Variants in TNS4 observed in about 807,000 individuals in gnomAD.
TNS4 encodes tensin-4.
TNS4 carries 46 observed loss-of-function variants against 70.4 expected under a neutral mutation model. That is an observed-to-expected ratio of 0.65 (90% confidence interval 0.52 to 0.84). The LOEUF (loss-of-function observed/expected upper bound fraction) is 0.84, where lower values mean the gene tolerates loss of function less well. Ranked by LOEUF, TNS4 falls within the 40% of genes least tolerant of loss-of-function variation. The probability of loss-of-function intolerance (pLI) is 0.00; values close to 1 mark genes in which losing one functional copy is unlikely to be tolerated. For synonymous variants in TNS4, 390 were observed against 366.6 expected (o/e 1.06, Z -0.73); for missense variants, 863 against 907.0 (o/e 0.95, Z 0.62).
chr17:40,499,651 CG>C (rs2036188292), intron 1 of TNS4, among the ~76,000 whole-genome samples: 2 of 152,222 alleles, frequency 1.3e-5, no homozygotes, highest in Admixed American at 1.3e-4. Context: ...CGGGGCATCC[CG>C]GGCACGGGAA....
chr17:40,488,730 T>A lies in TNS4; in HGVS notation c.679A>T (p.Asn227Tyr). 1 of 1,590,584 alleles carries A rather than the reference T, an allele frequency of 6.3e-7. No individual in the cohort carries two copies. The highest frequency in any genetic ancestry group is 8.6e-7 in the Non-Finnish European group (1 of 1,169,202). ...CAAGGGATTGAGATGCTGGGGGAAT[T>A]TGGGGGTCGAGGGGAGAGACCCTCT... ...PSEGLSPRPP[N>Y]SPSISIPCMG... Residue 227 changes from asparagine to tyrosine, a missense_variant, in exon 3 of 13, where the codon AAT (asparagine) becomes TAT (tyrosine). Physicochemically the swap from Asn to Tyr is moderately radical, Grantham distance 143 (BLOSUM62 -2). Coordinates refer to ENST00000254051, the MANE Select transcript of TNS4 (RefSeq NM_032865.6).
chr17:40,480,848 T>A, intron 8 of TNS4, 80 bp from the exon 9 acceptor site: 1 of 1,469,324 alleles, frequency 6.8e-7, no homozygotes, highest in Non-Finnish European at 9.3e-7. Flanking sequence ...ACAGGCCTCA[T>A]GAATCCCTTT....
At chr17:40,488,321 A>G (rs1367809907) in intron 3 of TNS4, among the ~76,000 whole-genome samples, 1 of 152,178 alleles carries the variant, frequency 6.6e-6, no homozygotes, top group Non-Finnish European at 1.5e-5. Context: ...CGGCTCTTTT[A>G]CCAAAAGGTA....
At chr17:40,494,086 C>T (rs1597699806) in intron 2 of TNS4, among the ~76,000 whole-genome samples, 1 of 152,372 alleles carries the variant, frequency 6.6e-6, no homozygotes, top group East Asian at 1.9e-4. Flanking sequence ...CCCAGGAGCC[C>T]AGGAACCCTG....
rs724159929 is a variant in TNS4 at position 40,485,017 on chromosome 17, G to A, written c.1289-10C>T. ...ATGTCCCTGGCGGGACCTGGAGACA[G>A]ACAGAGAAGGGGGACCCTGTAGGCT... On this transcript the variant is annotated splice_polypyrimidine_tract_variant and intron_variant, in intron 4 of 12. Coordinates refer to ENST00000254051, the MANE Select transcript of TNS4 (RefSeq NM_032865.6). 3 of 1,613,636 alleles carry A rather than the reference G, an allele frequency of 1.9e-6. No homozygotes were observed. The highest frequency in any genetic ancestry group is 2.5e-6 in the Non-Finnish European group (3 of 1,179,554).
At chr17:40,498,523 C>T (rs1428462248) in intron 1 of TNS4, among the ~76,000 whole-genome samples, 1 of 152,198 alleles carries the variant, frequency 6.6e-6, no homozygotes, top group African/African-American at 2.4e-5. Context: ...AATCCTCTCA[C>T]AGCTCTAGGA....
chr17:40,480,905 A>G lies in TNS4; in HGVS notation c.1673-137T>C, dbSNP rs1010234147. On this transcript the variant is annotated intron_variant, in intron 8 of 12. Transcript: ENST00000254051. The stretch of plus-strand genomic sequence containing the variant: ...CCATCTCCAGGAAGTGACTCAAACC[A>G]GGTGTGATTACCGTAATTAGGCAAA... The G allele has an allele frequency of 3.4e-5, 34 of 991,646 alleles. No homozygotes were observed. In the Admixed American group the frequency reaches 4.7e-4, roughly 14 times the overall value. 61.4% of individuals were successfully genotyped at this position (991,646 alleles called of 1,614,324 possible). A position where few individuals can be genotyped will look rare whatever the true frequency, so the allele number is the denominator to read the frequency against.
In TNS4 at chr17:40,488,924, T is replaced by C. The variant is rs887457883; in HGVS notation, c.485A>G (p.Asp162Gly). 5 of 1,598,926 alleles carry C rather than the reference T, an allele frequency of 3.1e-6. No homozygotes were observed. The African/African-American group carries it at 5.4e-5, about 17-fold the overall frequency. ...GGGGCTGGAGCAGTGCTGGGGGCCATCGTGGCACCTTGATCTGGCGGAGGT... is the reference window on the plus strand; with the variant it reads ...GGGGCTGGAGCAGTGCTGGGGGCCACCGTGGCACCTTGATCTGGCGGAGGT... ...EVTSARSRCH[D>G]GPQHCSSPSV... Residue 162 changes from aspartate (D) to glycine (G), a missense_variant, in exon 3 of 13, where the codon GAT becomes GGT. By Grantham distance (94) the Asp-to-Gly change is moderately conservative. Coordinates refer to ENST00000254051, the MANE Select transcript of TNS4 (RefSeq NM_032865.6).
chr17:40,477,417 G>A lies in TNS4; in HGVS notation c.*171C>T. ...TGAGGCCCGGGGGGTCTGGATGATG[G>A]TGACTGCTGAAGGCCATAGCAGGTT... is the stretch of plus-strand genomic sequence containing the variant. On this transcript the variant is annotated 3_prime_UTR_variant, in exon 13 of 13. Coordinates refer to ENST00000254051, the MANE Select transcript of TNS4 (RefSeq NM_032865.6). The A allele has an allele frequency of 2.6e-6, 2 of 765,318 alleles. No homozygotes were observed. Among genetic ancestry groups the A allele is most frequent in the Non-Finnish European group, 4.0e-6 (2 of 499,054 alleles). 47.4% of individuals were successfully genotyped at this position (765,318 alleles called of 1,614,324 possible). A position where few individuals can be genotyped will look rare whatever the true frequency, so the allele number is the denominator to read the frequency against.
At chr17:40,480,879 C>T (rs1442085816) in intron 8 of TNS4, 111 bp from the exon 9 acceptor site, 1 of 1,231,366 alleles carries the variant, frequency 8.1e-7, no homozygotes, top group Non-Finnish European at 1.1e-6. Context: ...CACCTCCACC[C>T]CCATCTCCAG....
intron 2 of TNS4, among the ~76,000 whole-genome samples, chr17:40,494,743 A>G (rs2143825630): frequency 6.6e-6 from 1 of 152,174 alleles, no homozygotes; most frequent in South Asian, 2.1e-4. Flanking sequence ...AAAAAAAAAA[A>G]AAAAAAAATT....
Position 40,482,486 on chromosome 17 carries a change from G to C in TNS4, c.1502-70C>G, listed in dbSNP as rs900324948. 22 of 1,488,060 alleles carry C rather than the reference G, an allele frequency of 1.5e-5. No homozygotes were observed. In the African/African-American group the frequency reaches 2.6e-4, roughly 18 times the overall value. The allele number at this position is 1,488,060 out of a possible 1,614,324, so 92.2% of individuals were successfully genotyped here. A position where few individuals can be genotyped will look rare whatever the true frequency, so the allele number is the denominator to read the frequency against. ...TGGCCGGGCGCGGTGGCTCACGCCT[G>C]TAATCCCAGCACTTTGGGAGGCCGA... On this transcript the variant is annotated intron_variant, in intron 6 of 12. Transcript: ENST00000254051.
At position 40,487,524 on chromosome 17, in the gene TNS4, C is replaced by G. The variant is rs1597694586; in HGVS notation, c.864-64G>C. On this transcript the variant is annotated intron_variant, in intron 3 of 12. Coordinates refer to ENST00000254051, the MANE Select transcript of TNS4 (RefSeq NM_032865.6). ...AGGTGGCTCAGGGGCTAGAGTCAGG[C>G]TCCGGATCTGGTGATCTGGGTTCCC... 7 of 1,526,908 alleles carry G rather than the reference C, an allele frequency of 4.6e-6. No individual in the cohort carries two copies. In the East Asian group the frequency reaches 1.6e-4, roughly 35 times the overall value. The allele number at this position is 1,526,908 out of a possible 1,614,324, so 94.6% of individuals were successfully genotyped here.
intron 12 of TNS4, 129 bp downstream of exon 12, chr17:40,478,178 G>C (rs533458538): frequency 1.6e-6 from 2 of 1,218,296 alleles, no homozygotes; most frequent in Non-Finnish European, 2.4e-6. Flanking sequence ...CATCAGATGG[G>C]AGCTCCCTGA....
In TNS4 at chr17:40,480,921, A is replaced by G. The variant is rs575876569; in HGVS notation, c.1673-153T>C. 1.5e-4 allele frequency: 129 copies of G among 871,790 alleles called. 3 individuals are homozygous for G. The South Asian group carries it at 2.2e-3, about 15-fold the overall frequency. The allele number at this position is 871,790 out of a possible 1,614,324, so 54.0% of individuals were successfully genotyped here. On this transcript the variant is annotated intron_variant, in intron 8 of 12. Coordinates refer to ENST00000254051, the MANE Select transcript of TNS4 (RefSeq NM_032865.6). ...ACTCAAACCAGGTGTGATTACCGTA[A>G]TTAGGCAAACAGGCCACTTTGGGCT...
At chr17:40,478,273 T>C in intron 12 of TNS4, 34 bp downstream of exon 12, 1 of 1,613,748 alleles carries the variant, frequency 6.2e-7, no homozygotes, top group Non-Finnish European at 8.5e-7. Flanking sequence ...CCTCCCCATG[T>C]TGGGTTTGGG....
chr17:40,489,341 G>A (rs1426361615), intron 2 of TNS4, among the ~76,000 whole-genome samples: 1 of 152,152 alleles, frequency 6.6e-6, no homozygotes, highest in African/African-American at 2.4e-5. Flanking sequence ...ATACAAAAAG[G>A]ATGAAGTGAA....
At chr17:40,489,464 T>C (rs2036037948) in intron 2 of TNS4, among the ~76,000 whole-genome samples, 1 of 152,134 alleles carries the variant, frequency 6.6e-6, no homozygotes, top group Non-Finnish European at 1.5e-5. Context: ...ACTTGATGGG[T>C]TGTACCAGTG....
intron 9 of TNS4, among the ~76,000 whole-genome samples, chr17:40,480,352 C>T (rs562854776): frequency 6.6e-6 from 1 of 152,070 alleles, no homozygotes; most frequent in Non-Finnish European, 1.5e-5. Context: ...AGACCTGACA[C>T]CCCATAGAGG....
Sources: gnomAD v4.1 joint callset for allele counts (sites outside exome capture counted in the v4.1 genomes callset) on GRCh38, gnomAD v4.1.1 for gene constraint, MANE v1.5 for transcripts, NCBI Gene and HGNC (gene_info 2026-07-23, HGNC 2026-07-21) for gene names.